GPHN: variants seen among roughly 807,000 people sequenced by gnomAD.
GPHN encodes the protein gephyrin.
Under a neutral mutation model 95.5 loss-of-function variants are expected in GPHN, and 17 were observed. The observed-to-expected ratio is 0.18, with a 90% CI of 0.12 to 0.27. GPHN has a LOEUF of 0.27. Among genes scored for constraint, GPHN ranks in the 10% least tolerant of loss-of-function variants. The pLI is 1.00. For missense variants in GPHN, 660 were observed against 978.1 expected (o/e 0.67, Z 4.34); for synonymous variants, 320 against 322.5 (o/e 0.99, Z 0.08).
At chr14:67,284,317 G>A in the GPHN span, among the ~76,000 whole-genome samples, 1 of 151,348 alleles carries the variant, frequency 6.6e-6, no homozygotes, top group South Asian at 2.1e-4. Flanking sequence ...AGGTTGTGCA[G>A]GCAGGCGTGG....
intron 1 of GPHN, among the ~76,000 whole-genome samples, chr14:66,669,290 G>A (rs1389753305): frequency 1.3e-5 from 2 of 151,562 alleles, no homozygotes; most frequent in East Asian, 4.0e-4. Flanking sequence ...CTTGAACCCA[G>A]GAGGCGGAGG....
chr14:67,690,800 T>C, the GPHN span: 114 of 372,584 alleles, frequency 3.1e-4, no homozygotes, highest in Admixed American at 5.6e-4. Flanking sequence ...CTGGGCAACA[T>C]AGCAAGACCC....
At chr14:67,730,692 C>G in the GPHN span, among the ~76,000 whole-genome samples, 1 of 152,106 alleles carries the variant, frequency 6.6e-6, no homozygotes, top group Non-Finnish European at 1.5e-5. Flanking sequence ...CAACTTCAGC[C>G]TCCTGGGTTC....
intron 10 of GPHN, among the ~76,000 whole-genome samples, chr14:67,052,352 AG>A (rs2075345984): frequency 6.6e-6 from 1 of 151,468 alleles, no homozygotes; most frequent in African/African-American, 2.4e-5. Flanking sequence ...AAAAAAAAAA[AG>A]ATCAAAAAAG....
At chr14:66,654,134 C>T (rs1322219917) in intron 1 of GPHN, among the ~76,000 whole-genome samples, 1 of 152,016 alleles carries the variant, frequency 6.6e-6, no homozygotes. Flanking sequence ...GTGATGATAT[C>T]TCATTACATT....
At chr14:66,746,347 C>CT (rs2058150497) in intron 2 of GPHN, among the ~76,000 whole-genome samples, 1 of 152,096 alleles carries the variant, frequency 6.6e-6, no homozygotes. Context: ...TTATAAGACT[C>CT]TGAGTCTTAT....
At chr14:66,819,542 C>T (rs988421132) in intron 3 of GPHN, among the ~76,000 whole-genome samples, 21 of 152,044 alleles carry the variant, frequency 1.4e-4, no homozygotes, top group Non-Finnish European at 2.9e-5. Flanking sequence ...CAATATCATG[C>T]TGTTTTGGTT....
At chr14:66,636,434 G>C (rs2064101012) in intron 1 of GPHN, among the ~76,000 whole-genome samples, 1 of 152,008 alleles carries the variant, frequency 6.6e-6, no homozygotes, top group Non-Finnish European at 1.5e-5. Context: ...TACAAAGATA[G>C]CTAATTTATA....
chr14:67,191,660 A>AAG, the GPHN span, among the ~76,000 whole-genome samples: 1 of 152,174 alleles, frequency 6.6e-6, no homozygotes, highest in Admixed American at 6.5e-5. Flanking sequence ...TCTCAGCCCT[A>AAG]ATGGAGCCTT....
chr14:66,743,600 G>A (rs1213259176), intron 2 of GPHN, among the ~76,000 whole-genome samples: 1 of 152,126 alleles, frequency 6.6e-6, no homozygotes, highest in African/African-American at 2.4e-5. Flanking sequence ...AAATTAGCCA[G>A]GCGTGGTGGC....
Position 66,792,083 on chromosome 14 carries a change from A to G in GPHN, c.201+15562A>G, listed in dbSNP as rs111310790. On this transcript the variant is annotated intron_variant, in intron 3 of 22. Coordinates refer to ENST00000478722, the MANE Select transcript of GPHN (RefSeq NM_020806.5). The stretch of plus-strand genomic sequence containing the variant: ...TGGGGGAAATTACCCCCATGATTCA[A>G]TTATCTCCACCTGGCGCTGCCCATG... 3.1e-3 allele frequency among the ~76,000 whole-genome samples: 468 copies of G among 152,286 alleles called. 10 individuals are homozygous for G. The highest frequency in any genetic ancestry group is 0.011 in the African/African-American group (442 of 41,564).
chr14:66,681,036 T>G, intron 1 of GPHN, 71 bp from the exon 2 acceptor site: 1 of 862,488 alleles, frequency 1.2e-6, no homozygotes. Context: ...AAAATGTCTT[T>G]TGGTCAGCAA....
chr14:66,728,814 T>G (rs193193807), intron 2 of GPHN, among the ~76,000 whole-genome samples: 1 of 152,300 alleles, frequency 6.6e-6, no homozygotes, highest in East Asian at 1.9e-4. Context: ...GAGTTAAGAC[T>G]TTGGGTGACT....
chr14:66,916,108 CT>C, intron 6 of GPHN, 39 bp downstream of exon 6: 1 of 1,340,618 alleles, frequency 7.5e-7, no homozygotes, highest in South Asian at 1.2e-5. Flanking sequence ...AGTGTAAGAG[CT>C]TTTGACCAGC....
chr14:67,043,177 C>G (rs1034686387), intron 10 of GPHN, among the ~76,000 whole-genome samples: 1 of 152,206 alleles, frequency 6.6e-6, no homozygotes, highest in Non-Finnish European at 1.5e-5. Context: ...CATCTGCAAA[C>G]AGAGACAATT....
At chr14:66,674,643 C>A (rs534398769) in intron 1 of GPHN, among the ~76,000 whole-genome samples, 1 of 152,074 alleles carries the variant, frequency 6.6e-6, no homozygotes, top group Non-Finnish European at 1.5e-5. Flanking sequence ...GCATTTAATT[C>A]TCTCTCTCTT....
chr14:67,019,374 A>G (rs964612867), intron 9 of GPHN, among the ~76,000 whole-genome samples: 2 of 152,138 alleles, frequency 1.3e-5, no homozygotes, highest in African/African-American at 2.4e-5. Flanking sequence ...AGTTTTCCTA[A>G]TGTCCTTCAA....
the GPHN span, among the ~76,000 whole-genome samples, chr14:67,291,660 A>ATGTG: frequency 1.3e-5 from 2 of 152,234 alleles, no homozygotes; most frequent in Non-Finnish European, 2.9e-5. Context: ...TAACAGGCAG[A>ATGTG]CACAATGCAC....
intron 1 of GPHN, among the ~76,000 whole-genome samples, chr14:66,624,266 C>T (rs1305857606): frequency 6.6e-6 from 1 of 152,142 alleles, no homozygotes; most frequent in East Asian, 1.9e-4. Context: ...TCTTTATTTC[C>T]TCTGTAATAA....
Sources: gnomAD v4.1 joint callset for allele counts (sites outside exome capture counted in the v4.1 genomes callset) on GRCh38, gnomAD v4.1.1 for gene constraint, MANE v1.5 for transcripts, NCBI Gene and HGNC (gene_info 2026-07-23, HGNC 2026-07-21) for gene names.